Variants in USP49 observed in about 807,000 individuals in gnomAD.
USP49 encodes ubiquitin specific peptidase 49.
A neutral mutation model predicts 58.6 loss-of-function variants in USP49; 24 were observed. That is an observed-to-expected ratio of 0.41 (90% CI 0.30 to 0.58). USP49 has a LOEUF of 0.58. Ranked by LOEUF, USP49 falls within the 20% of genes least tolerant of loss-of-function variation. The pLI is 0.30. For missense variants in USP49, 703 were observed against 866.1 expected (o/e 0.81, Z 2.36); for synonymous variants, 408 against 365.1 (o/e 1.12, Z -1.34).
intron 3 of USP49, among the ~76,000 whole-genome samples, chr6:41,832,077 T>C (rs1390498293): frequency 6.6e-6 from 1 of 152,188 alleles, no homozygotes; most frequent in Non-Finnish European, 1.5e-5. Flanking sequence ...TCTGGTTTAC[T>C]AACCATAGTC....
intron 3 of USP49, among the ~76,000 whole-genome samples, chr6:41,809,758 T>C (rs1417541125): frequency 3.9e-4 from 53 of 137,174 alleles, no homozygotes; most frequent in East Asian, 2.0e-3. Flanking sequence ...ACCCGGGAGG[T>C]GGAACTTGCA....
chr6:41,806,275 C>A lies in USP49; in HGVS notation c.709G>T (p.Ala237Ser), dbSNP rs368499179. ...TGGCGACGCAGCTTGAGTGTGGCGG[C>A]GGGCACTCTGCGTGAGGTAGGGAGG... ...AALPTSRRVPAATLKLRRQPA... is the reference protein window; with the variant it reads ...AALPTSRRVPSATLKLRRQPA... Residue 237 changes from alanine to serine, a missense_variant, in exon 4 of 8, where the codon GCC (alanine) becomes TCC (serine). Transcript: ENST00000682992. The surrounding 1 kb of genome is among the most constrained non-coding windows in gnomAD (Gnocchi z 5.9). The A allele has an allele frequency of 2.5e-6, 4 of 1,603,596 alleles. No homozygotes were observed. The highest frequency in any genetic ancestry group is 1.7e-5 in the Admixed American group (1 of 59,920).
intron 3 of USP49, among the ~76,000 whole-genome samples, chr6:41,831,047 A>G (rs1773624212): frequency 6.6e-6 from 1 of 152,076 alleles, no homozygotes; most frequent in Non-Finnish European, 1.5e-5. Context: ...ACCTGAGGTC[A>G]GGAGTTCAAG....
intron 3 of USP49, among the ~76,000 whole-genome samples, chr6:41,853,319 T>C (rs1199229265): frequency 1.3e-5 from 2 of 152,146 alleles, no homozygotes; most frequent in African/African-American, 4.8e-5. Context: ...ATGAGGTATC[T>C]AAAGAAGTCA....
At chr6:41,845,057 C>T (rs559174894) in intron 3 of USP49, among the ~76,000 whole-genome samples, 53 of 152,048 alleles carry the variant, frequency 3.5e-4, no homozygotes, top group Admixed American at 3.1e-3. Context: ...CACGCCACTA[C>T]GCCCGGCTAA....
chr6:41,811,882 T>G (rs974699243), intron 3 of USP49, among the ~76,000 whole-genome samples: 3 of 152,118 alleles, frequency 2.0e-5, no homozygotes, highest in African/African-American at 7.2e-5. Flanking sequence ...AATGAAGGAA[T>G]GAAGGGGAGG....
At chr6:41,859,452 A>G (rs1774182446) in intron 3 of USP49, among the ~76,000 whole-genome samples, 1 of 152,144 alleles carries the variant, frequency 6.6e-6, no homozygotes, top group Non-Finnish European at 1.5e-5. Context: ...GGCTGGGTTA[A>G]GCATACCTTC....
rs890644833 is a variant in USP49, at chr6:41,812,517, C to A, written c.-28-5506G>T. 4.6e-5 allele frequency among the ~76,000 whole-genome samples: 7 copies of A among 151,780 alleles called. 1 individual carries two copies. The South Asian group carries it at 1.5e-3, about 32-fold the overall frequency. Reference sequence around the variant, plus strand: ...GACCATCCTGGATAACACGGTGAAACCCCGTCTCTACTAAAAATACAAAAA... The same window carrying A: ...GACCATCCTGGATAACACGGTGAAAACCCGTCTCTACTAAAAATACAAAAA... On this transcript the variant is annotated intron_variant, in intron 3 of 7. Transcript: ENST00000682992.
At chr6:41,866,307 A>G (rs1372448191) in intron 3 of USP49, among the ~76,000 whole-genome samples, 1 of 152,150 alleles carries the variant, frequency 6.6e-6, no homozygotes, top group Non-Finnish European at 1.5e-5. Context: ...CACCAGTGCT[A>G]TCAACTCTGA....
chr6:41,871,700 T>G (rs2251274), intron 2 of USP49, 63 bp from the exon 3 acceptor site: 74,049 of 151,834 alleles, frequency 0.49, 18,156 homozygotes, highest in Middle Eastern at 0.51. Flanking sequence ...GCAATTTCAT[T>G]AATTGTAATA....
intron 2 of USP49, among the ~76,000 whole-genome samples, chr6:41,880,494 A>G (rs1774584842): frequency 6.6e-6 from 1 of 152,232 alleles, no homozygotes; most frequent in East Asian, 1.9e-4. Context: ...TAATTATATT[A>G]AAATTTCAGA....
intron 3 of USP49, among the ~76,000 whole-genome samples, chr6:41,839,401 T>C (rs112001527): frequency 0.24 from 14,447 of 60,228 alleles, 1,066 homozygotes; most frequent in East Asian, 0.35. Flanking sequence ...CCAGGCCTTG[T>C]CTCAAAAAAA....
intron 3 of USP49, among the ~76,000 whole-genome samples, chr6:41,822,748 G>C (rs544737910): frequency 4.2e-4 from 63 of 151,002 alleles, no homozygotes; most frequent in Non-Finnish European, 4.6e-4. Flanking sequence ...AGGAGGCTGA[G>C]GCAGAAGAAT....
Position 41,802,470 on chromosome 6 carries a change from T to TTTATTTTA in USP49, c.1561+1335_1561+1336insTAAAATAA, listed in dbSNP as rs1554142822. On this transcript the variant is annotated intron_variant, in intron 5 of 7. Coordinates refer to ENST00000682992, the MANE Select transcript of USP49 (RefSeq NM_001286554.2). The stretch of plus-strand genomic sequence containing the variant: ...TTTATTTATTTATTTATTTATTTAT[T>TTTATTTTA]TTTTATTTATTTTTTTTTTTTGAGA... Among the ~76,000 whole-genome samples the TTTATTTTA allele has an allele frequency of 1.1e-3, 95 of 85,610 alleles. 3 individuals are homozygous for TTTATTTTA. The highest frequency in any genetic ancestry group is 4.2e-3 in the African/African-American group (82 of 19,704). The allele number at this position is 85,610 out of a possible 152,430, so 56.2% of individuals were successfully genotyped here.
intron 3 of USP49, among the ~76,000 whole-genome samples, chr6:41,845,413 G>A (rs1275923533): frequency 2.0e-5 from 3 of 151,928 alleles, no homozygotes; most frequent in Non-Finnish European, 2.9e-5. Context: ...GTGGCTACTC[G>A]GGAGGCTGAG....
rs982309170 is a variant in USP49, at chr6:41,794,827, A to G, written c.*1706T>C. 6.6e-6 allele frequency: 1 copy of G among 152,236 alleles called. No individual in the cohort carries two copies. Among genetic ancestry groups the G allele is most frequent in the Non-Finnish European group, 1.5e-5 (1 of 68,034 alleles). 9.4% of individuals were successfully genotyped at this position (152,236 alleles called of 1,614,324 possible). On this transcript the variant is annotated 3_prime_UTR_variant, in exon 8 of 8. Transcript: ENST00000682992. ...GAAACCTCACAGTGTTGGAAAAAGC[A>G]AGTTTAATTTAAAATATAGTCACTC... is the stretch of plus-strand genomic sequence containing the variant.
chr6:41,799,243 C>T (rs1772950908), intron 6 of USP49, among the ~76,000 whole-genome samples: 1 of 152,044 alleles, frequency 6.6e-6, no homozygotes, highest in South Asian at 2.1e-4. Context: ...GTAGGTGGGA[C>T]TATAGGTGCA....
intron 3 of USP49, among the ~76,000 whole-genome samples, chr6:41,812,801 C>T (rs1047334728): frequency 7.9e-5 from 12 of 152,168 alleles, no homozygotes; most frequent in African/African-American, 2.7e-4. Context: ...CTTAGACTAA[C>T]ACTGTCCAAC....
intron 3 of USP49, among the ~76,000 whole-genome samples, chr6:41,828,127 A>G (rs1041484552): frequency 6.6e-6 from 1 of 152,142 alleles, no homozygotes; most frequent in African/African-American, 2.4e-5. Context: ...TACCACTCAC[A>G]TAAGAACTTA....
Sources: allele counts gnomAD v4.1 joint callset (sites outside exome capture counted in the v4.1 genomes callset), GRCh38; gene constraint gnomAD v4.1.1; non-coding constraint Gnocchi (gnomAD v3.1); transcripts MANE v1.5; gene names NCBI Gene and HGNC (gene_info 2026-07-23, HGNC 2026-07-21).